Variants in PNLDC1 observed in about 807,000 individuals in gnomAD.
PNLDC1 encodes poly(A)-specific ribonuclease PNLDC1.
A neutral mutation model predicts 82.0 loss-of-function variants in PNLDC1; 70 were observed. That is an observed-to-expected ratio of 0.85 (90% CI 0.70 to 1.04). The LOEUF (loss-of-function observed/expected upper bound fraction) is 1.04. PNLDC1 is among the 50% of genes least tolerant of loss of function. The probability of loss-of-function intolerance (pLI) is 0.00; values close to 1 mark genes in which losing one functional copy is unlikely to be tolerated. For missense variants in PNLDC1, 631 were observed against 661.1 expected, an observed-to-expected ratio of 0.95 and a Z score of 0.50; for synonymous variants, 280 against 249.3, an observed-to-expected ratio of 1.12 and a Z score of -1.16.
chr6:159,811,767 T>C lies in PNLDC1; in HGVS notation c.920T>C (p.Val307Ala), dbSNP rs1781653230. 1 of 1,611,228 alleles carries C rather than the reference T, an allele frequency of 6.2e-7. No homozygotes were observed. Among genetic ancestry groups the C allele is most frequent in the Non-Finnish European group, 8.5e-7 (1 of 1,177,380 alleles). The change falls in exon 11 of 19, where the codon GTA (valine) becomes GCA (alanine). Residue 307 changes from valine to alanine, a missense_variant. Physicochemically the swap from Val to Ala is moderately conservative, Grantham distance 64 (BLOSUM62 0). Coordinates refer to ENST00000392167, the MANE Select transcript of PNLDC1 (RefSeq NM_001271862.2). Reference sequence around the variant, plus strand: ...CCTGTTCTCATTGATACCAAGAGTGTAACAAAGGATATCTGGAAGGTAATG... The same window carrying C: ...CCTGTTCTCATTGATACCAAGAGTGCAACAAAGGATATCTGGAAGGTAATG... The part of the protein sequence containing the change: ...LFPVLIDTKS[V>A]TKDIWKEMNF...
Position 159,800,787 on chromosome 6 carries a change from T to C in PNLDC1, c.92T>C (p.Phe31Ser), listed in dbSNP as rs1562494634. ...EADFVGLDIE[F>S]TGLRSNLSGP... ...TTCCTGGCAGGTCTGGACATAGAGT[T>C]CACGGGCCTTCGTTCTAACCTGTCT... The change falls in exon 2 of 19, where the codon TTC (phenylalanine) becomes TCC (serine). Residue 31 changes from phenylalanine (F) to serine (S), a missense_variant. Coordinates refer to ENST00000392167, the MANE Select transcript of PNLDC1 (RefSeq NM_001271862.2). The C allele has an allele frequency of 6.2e-7, 1 of 1,614,150 alleles. No individual in the cohort carries two copies. The highest frequency in any genetic ancestry group is 1.1e-5 in the South Asian group (1 of 91,082).
rs372623574 is a variant in PNLDC1 at position 159,810,019 on chromosome 6, C to T, written c.784-7C>T. On this transcript the variant is annotated splice_region_variant and splice_polypyrimidine_tract_variant and intron_variant, in intron 9 of 18. Transcript: ENST00000392167. ...TTTTCTCTCACCTGTTGATTTACTC[C>T]AAGTAGCCCTTAGTGGGACATAATA... 2.7e-5 allele frequency: 44 copies of T among 1,612,206 alleles called. No individual in the cohort carries two copies. In the African/African-American group the frequency reaches 3.9e-4, roughly 14 times the overall value.
intron 6 of PNLDC1, chr6:159,805,620 C>T: frequency 5.6e-6 from 1 of 179,824 alleles, no homozygotes; most frequent in Non-Finnish European, 1.2e-5. Flanking sequence ...AAGTCCTTGT[C>T]TTTTCCTGAT....
chr6:159,807,893 T>A (rs918075027), intron 7 of PNLDC1, among the ~76,000 whole-genome samples: 1 of 152,066 alleles, frequency 6.6e-6, no homozygotes, highest in Non-Finnish European at 1.5e-5. Flanking sequence ...CACCTACACA[T>A]CTGCTTGAGG....
Position 159,819,335 on chromosome 6 carries a change from C to G in PNLDC1, c.1515C>G (p.Asn505Lys), listed in dbSNP as rs145371225. 7.4e-6 allele frequency: 12 copies of G among 1,613,682 alleles called. No homozygotes were observed. The African/African-American group carries it at 1.6e-4, about 22-fold the overall frequency. ...SLYRYWRHSP[N>K]VNCLLQVCGI... ...ACCGCTACTGGAGGCACTCCCCAAACGTCAACTGCCTGCTCCAGTAAGTGA... is the reference window on the plus strand; with the variant it reads ...ACCGCTACTGGAGGCACTCCCCAAAGGTCAACTGCCTGCTCCAGTAAGTGA... The change falls in exon 18 of 19, where the codon AAC (asparagine) becomes AAG (lysine). Residue 505 changes from asparagine to lysine, a missense_variant. Transcript: ENST00000392167. The surrounding 1 kb of genome is among the most constrained non-coding windows in gnomAD (Gnocchi z 4.6).
chr6:159,807,861 C>T (rs1781504409), intron 7 of PNLDC1, among the ~76,000 whole-genome samples: 1 of 151,702 alleles, frequency 6.6e-6, no homozygotes. Context: ...TTTGATAAGG[C>T]TAGTAATTCT....
At position 159,818,664 on chromosome 6, in the gene PNLDC1, T is replaced by A; in HGVS notation, c.1257+10T>A. The A allele has an allele frequency of 1.2e-6, 2 of 1,610,466 alleles. No homozygotes were observed. Among genetic ancestry groups the A allele is most frequent in the Non-Finnish European group, 1.7e-6 (2 of 1,177,294 alleles). On this transcript the variant is annotated intron_variant, in intron 16 of 18. Coordinates refer to ENST00000392167, the MANE Select transcript of PNLDC1 (RefSeq NM_001271862.2). Reference sequence around the variant, plus strand: ...GGGGGTCCCAAAGATCGTGAGTAGATCTCATTTGGCCCCCTCGCCCCATTC... The same window carrying A: ...GGGGGTCCCAAAGATCGTGAGTAGAACTCATTTGGCCCCCTCGCCCCATTC...
chr6:159,816,037 C>G lies in PNLDC1; in HGVS notation c.1060+4C>G. 3 of 1,611,580 alleles carry G rather than the reference C, an allele frequency of 1.9e-6. No individual in the cohort carries two copies. The highest frequency in any genetic ancestry group is 2.5e-6 in the Non-Finnish European group (3 of 1,178,880). Reference sequence around the variant, plus strand: ...GCGAGCAGGTGTGAGAAATATGGTACGTTCCCATGAGCCCATAATCCTTGC... The same window carrying G: ...GCGAGCAGGTGTGAGAAATATGGTAGGTTCCCATGAGCCCATAATCCTTGC... On this transcript the variant is annotated splice_donor_region_variant and intron_variant, in intron 13 of 18. Transcript: ENST00000392167.
At position 159,818,589 on chromosome 6, in the gene PNLDC1, T is replaced by C. The variant is rs1781920696; in HGVS notation, c.1192T>C (p.Tyr398His). 1 of 1,613,760 alleles carries C rather than the reference T, an allele frequency of 6.2e-7. No homozygotes were observed. The highest frequency in any genetic ancestry group is 1.1e-5 in the South Asian group (1 of 91,094). The change falls in exon 16 of 19, where the codon TAC becomes CAC. Residue 398 changes from tyrosine to histidine, a missense_variant. Coordinates refer to ENST00000392167, the MANE Select transcript of PNLDC1 (RefSeq NM_001271862.2). Reference protein sequence around the residue: ...DPVPESSFPQYLDVLAPYVNQ... With the variant: ...DPVPESSFPQHLDVLAPYVNQ... ...CGTGCCCGAGTCATCCTTTCCTCAG[T>C]ACCTTGACGTGCTGGCTCCTTACGT...
Position 159,817,102 on chromosome 6 carries a change from T to C in PNLDC1, c.1115-7T>C. On this transcript the variant is annotated splice_polypyrimidine_tract_variant and splice_region_variant and intron_variant, in intron 14 of 18. Coordinates refer to ENST00000392167, the MANE Select transcript of PNLDC1 (RefSeq NM_001271862.2). ...TCTATTGCATTTCTGTCTTTTTTCC[T>C]TCCTAGTTCTTTTGAAAGTGGCACA... The C allele has an allele frequency of 6.2e-7, 1 of 1,611,228 alleles. No individual in the cohort carries two copies. Among genetic ancestry groups the C allele is most frequent in the Non-Finnish European group, 8.5e-7 (1 of 1,177,628 alleles).
intron 2 of PNLDC1, 86 bp downstream of exon 2, chr6:159,800,915 G>A: frequency 1.4e-5 from 22 of 1,593,400 alleles, no homozygotes; most frequent in East Asian, 2.2e-5. Context: ...CATTTGGGGG[G>A]CAGGACGTTT....
Position 159,811,704 on chromosome 6 carries a change from G to T in PNLDC1, c.857G>T (p.Ser286Ile). The change falls in exon 11 of 19, where the codon AGC becomes ATC. Residue 286 changes from serine (S) to isoleucine (I), a missense_variant. Ser to Ile is a moderately radical substitution (Grantham distance 142). Transcript: ENST00000392167. ...CTACCTGGGTTTTTCCCCTCAGAAA[G>T]CTACGATCAATTTAAGCAGAATATC... is the stretch of plus-strand genomic sequence containing the variant. ...HEKFFRPLPESYDQFKQNIHS... is the reference protein window; with the variant it reads ...HEKFFRPLPEIYDQFKQNIHS... 1 of 1,612,824 alleles carries T rather than the reference G, an allele frequency of 6.2e-7. No homozygotes were observed.
rs1180084499 is a variant in PNLDC1 at position 159,800,495 on chromosome 6, G to A, written c.76+112G>A. Reference sequence around the variant, plus strand: ...GCCACAGGGCCTCAGAGAGGGCCTCGGGAAGGACAGGGGGGCTTCCTTCTC... The same window carrying A: ...GCCACAGGGCCTCAGAGAGGGCCTCAGGAAGGACAGGGGGGCTTCCTTCTC... On this transcript the variant is annotated intron_variant, in intron 1 of 18. Transcript: ENST00000392167. 9 of 1,342,674 alleles carry A rather than the reference G, an allele frequency of 6.7e-6. No individual in the cohort carries two copies. The East Asian group carries it at 1.0e-4, about 15-fold the overall frequency. 83.2% of individuals were successfully genotyped at this position (1,342,674 alleles called of 1,614,324 possible). A position where few individuals can be genotyped will look rare whatever the true frequency, so the allele number is the denominator to read the frequency against.
In PNLDC1 at chr6:159,804,099, G is replaced by A. The variant is rs890003524; in HGVS notation, c.372+11G>A. The A allele has an allele frequency of 3.7e-6, 6 of 1,611,648 alleles. No individual in the cohort carries two copies. Among genetic ancestry groups the A allele is most frequent in the Admixed American group, 1.7e-5 (1 of 59,310 alleles). On this transcript the variant is annotated intron_variant, in intron 5 of 18. Transcript: ENST00000392167. ...TTCAACTATAACAAGGTATGGCATT[G>A]GAGGAGGGGAACGGGAATGTCTTTT...
In PNLDC1 at chr6:159,800,613, G is replaced by C. The variant is rs912060759; in HGVS notation, c.77-159G>C. On this transcript the variant is annotated intron_variant, in intron 1 of 18. Coordinates refer to ENST00000392167, the MANE Select transcript of PNLDC1 (RefSeq NM_001271862.2). ...GCCCCGTGCGCCCAGGTGCCTGGCT[G>C]CTCCTTGCCTTGGTTCCTCCATTTT... is the stretch of plus-strand genomic sequence containing the variant. 19 of 1,576,752 alleles carry C rather than the reference G, an allele frequency of 1.2e-5. No individual in the cohort carries two copies. In the African/African-American group the frequency reaches 1.7e-4, roughly 15 times the overall value.
rs7761227 is a variant in PNLDC1 at position 159,819,734 on chromosome 6, T to C, written c.1532+382T>C. On this transcript the variant is annotated intron_variant, in intron 18 of 18. Coordinates refer to ENST00000392167, the MANE Select transcript of PNLDC1 (RefSeq NM_001271862.2). This position sits in a 1 kb window ranked among gnomAD's most constrained non-coding sequence, Gnocchi z 4.6. ...TGCAGTTCAAAGGAGCTGATGGGGG[T>C]CTTCATTAGAGACTTGGAGTGAGCC... Among the ~76,000 whole-genome samples, 27,441 of 151,054 alleles carry C rather than the reference T, an allele frequency of 0.18. 2,752 individuals are homozygous for C. Among genetic ancestry groups the C allele is most frequent in the Middle Eastern group, 0.21 (62 of 292 alleles).
intron 6 of PNLDC1, 142 bp downstream of exon 6, chr6:159,804,779 C>A: frequency 3.3e-6 from 2 of 612,868 alleles, no homozygotes; most frequent in Non-Finnish European, 5.7e-6. Context: ...GTGCAGCTGG[C>A]GCTGCTCTCC....
intron 11 of PNLDC1, 86 bp downstream of exon 11, chr6:159,811,872 G>GTTTTTTTGT (rs1554273753): frequency 1.0e-6 from 1 of 998,872 alleles, no homozygotes; most frequent in Non-Finnish European, 1.5e-6. Flanking sequence ...TTTTTCTTGT[G>GTTTTTTTGT]TTTTTTTGTT....
chr6:159,809,212 T>G, intron 9 of PNLDC1, 54 bp downstream of exon 9: 1 of 1,580,174 alleles, frequency 6.3e-7, no homozygotes, highest in Non-Finnish European at 8.6e-7. Flanking sequence ...GTATTTCTGG[T>G]CATAGATACT....
Sources: gnomAD v4.1 joint callset for allele counts (sites outside exome capture counted in the v4.1 genomes callset) on GRCh38, gnomAD v4.1.1 for gene constraint, Gnocchi (gnomAD v3.1) non-coding constraint, MANE v1.5 for transcripts, NCBI Gene and HGNC (gene_info 2026-07-23, HGNC 2026-07-21) for gene names.